Variants in EDN1 observed in about 807,000 individuals in gnomAD.
EDN1 encodes endothelin-1.
Under a neutral mutation model 21.7 loss-of-function variants are expected in EDN1, and 11 were observed. The observed-to-expected ratio is 0.51, with a 90% CI of 0.32 to 0.84. The LOEUF is 0.84. EDN1 is among the 40% of genes least tolerant of loss of function. The probability of loss-of-function intolerance (pLI) is 0.03; values close to 1 mark genes in which losing one functional copy is unlikely to be tolerated. For synonymous variants in EDN1, 85 were observed against 90.6 expected (o/e 0.94, Z 0.35); for missense variants, 244 against 262.3 (o/e 0.93, Z 0.48).
At chr6:12,284,265 A>T in the EDN1 span, among the ~76,000 whole-genome samples, 1 of 152,206 alleles carries the variant, frequency 6.6e-6, no homozygotes, top group Admixed American at 6.5e-5. Flanking sequence ...ATTTTAGGAT[A>T]GCTCTCTGCC....
the EDN1 span, among the ~76,000 whole-genome samples, chr6:12,255,067 C>T: frequency 3.3e-5 from 5 of 151,960 alleles, no homozygotes; most frequent in East Asian, 1.9e-4. Flanking sequence ...TAAATTGTTC[C>T]GTGGGATAAA....
At chr6:12,243,003 A>G in the EDN1 span, among the ~76,000 whole-genome samples, 3 of 152,148 alleles carry the variant, frequency 2.0e-5, no homozygotes, top group Non-Finnish European at 2.9e-5. Context: ...TGGGGGCACC[A>G]ACTCTCCTTG....
At chr6:12,243,610 T>C in the EDN1 span, among the ~76,000 whole-genome samples, 1 of 152,156 alleles carries the variant, frequency 6.6e-6, no homozygotes, top group African/African-American at 2.4e-5. Flanking sequence ...AACAAATACA[T>C]GAATGCTGAA....
At chr6:12,238,603 C>T in the EDN1 span, among the ~76,000 whole-genome samples, 1 of 152,202 alleles carries the variant, frequency 6.6e-6, no homozygotes, top group African/African-American at 2.4e-5. Flanking sequence ...CAGCTGTCCT[C>T]GCTTAGAACC....
chr6:12,267,693 A>G, the EDN1 span, among the ~76,000 whole-genome samples: 88 of 152,332 alleles, frequency 5.8e-4, 1 homozygote, highest in East Asian at 1.9e-3. Flanking sequence ...CCAGAGATCT[A>G]CTTAAGATCA....
the EDN1 span, among the ~76,000 whole-genome samples, chr6:12,261,975 G>A: frequency 6.6e-6 from 1 of 152,286 alleles, no homozygotes; most frequent in East Asian, 1.9e-4. Flanking sequence ...GAGGGGTACA[G>A]AGCAAAGGCA....
chr6:12,245,015 C>T, the EDN1 span, among the ~76,000 whole-genome samples: 3 of 152,086 alleles, frequency 2.0e-5, no homozygotes, highest in Non-Finnish European at 2.9e-5. Flanking sequence ...GATCAATGTA[C>T]GAGAACTGTC....
At chr6:12,265,418 C>G in the EDN1 span, among the ~76,000 whole-genome samples, 1 of 152,130 alleles carries the variant, frequency 6.6e-6, no homozygotes, top group Non-Finnish European at 1.5e-5. Context: ...ATGGGGTTAT[C>G]AGGGTGTGGT....
the EDN1 span, among the ~76,000 whole-genome samples, chr6:12,254,125 G>A: frequency 6.6e-6 from 1 of 152,080 alleles, no homozygotes; most frequent in Non-Finnish European, 1.5e-5. Flanking sequence ...GCATCCCATT[G>A]TCCAGAACTC....
the EDN1 span, among the ~76,000 whole-genome samples, chr6:12,285,271 A>G: frequency 6.6e-6 from 1 of 152,208 alleles, no homozygotes; most frequent in Non-Finnish European, 1.5e-5. Context: ...TAACTGCTGC[A>G]GCACTGGAGC....
the EDN1 span, among the ~76,000 whole-genome samples, chr6:12,247,749 C>T: frequency 1.3e-5 from 2 of 151,564 alleles, no homozygotes; most frequent in African/African-American, 4.8e-5. Flanking sequence ...ATGTTGGCCA[C>T]GCTGGTCTCA....
chr6:12,261,836 G>A, the EDN1 span, among the ~76,000 whole-genome samples: 76 of 152,288 alleles, frequency 5.0e-4, no homozygotes, highest in Non-Finnish European at 9.9e-4. Flanking sequence ...TAAAGGAAGG[G>A]TCAAAAGGGG....
the EDN1 span, among the ~76,000 whole-genome samples, chr6:12,273,018 C>CT: frequency 6.6e-6 from 1 of 152,198 alleles, no homozygotes; most frequent in Admixed American, 6.5e-5. Context: ...CACAGTCCCT[C>CT]TTCTCCAAAA....
chr6:12,258,449 CA>C, the EDN1 span, among the ~76,000 whole-genome samples: 3,671 of 63,268 alleles, frequency 0.058, 35 homozygotes, highest in South Asian at 0.1. Flanking sequence ...GATCATGTCT[CA>C]AAAAAAAAAA....
chr6:12,259,347 A>C, the EDN1 span, among the ~76,000 whole-genome samples: 1 of 151,474 alleles, frequency 6.6e-6, no homozygotes, highest in Non-Finnish European at 1.5e-5. Context: ...TGTTAGCAGC[A>C]TAGAGATTTA....
At chr6:12,293,471 C>T (rs10478717) in intron 2 of EDN1, among the ~76,000 whole-genome samples, 14,724 of 152,070 alleles carry the variant, frequency 0.097, 786 homozygotes, top group Middle Eastern at 0.14. Context: ...GGTGGGGTGA[C>T]GGTGGCACTT....
chr6:12,248,226 C>T, the EDN1 span, among the ~76,000 whole-genome samples: 4 of 152,118 alleles, frequency 2.6e-5, no homozygotes, highest in African/African-American at 9.7e-5. Flanking sequence ...TAATACACAG[C>T]CTTGACATGG....
At chr6:12,252,663 C>G in the EDN1 span, among the ~76,000 whole-genome samples, 1 of 152,080 alleles carries the variant, frequency 6.6e-6, no homozygotes, top group Admixed American at 6.5e-5. Flanking sequence ...CACACCAATG[C>G]CAGTTAAATT....
At chr6:12,240,017 A>G in the EDN1 span, among the ~76,000 whole-genome samples, 1 of 152,238 alleles carries the variant, frequency 6.6e-6, no homozygotes, top group Non-Finnish European at 1.5e-5. Flanking sequence ...AAGTAAAATA[A>G]AAGCAAAGGT....
Sources: gnomAD v4.1 joint callset for allele counts (sites outside exome capture counted in the v4.1 genomes callset) on GRCh38, gnomAD v4.1.1 for gene constraint, MANE v1.5 for transcripts, NCBI Gene and HGNC (gene_info 2026-07-23, HGNC 2026-07-21) for gene names.